Variants in ABHD17B observed in about 807,000 individuals in gnomAD.
The protein encoded by ABHD17B is alpha/beta hydrolase domain-containing protein 17B.
Under a neutral mutation model 26.2 loss-of-function variants are expected in ABHD17B, and 9 were observed. That is an observed-to-expected ratio of 0.34 (90% CI 0.21 to 0.60). The LOEUF (loss-of-function observed/expected upper bound fraction) is 0.60. ABHD17B is among the 20% of genes least tolerant of loss of function. The probability of loss-of-function intolerance (pLI) is 0.80; values close to 1 mark genes in which losing one functional copy is unlikely to be tolerated. For synonymous variants in ABHD17B, 127 were observed against 122.3 expected (o/e 1.04, Z -0.25); for missense variants, 224 against 352.1 (o/e 0.64, Z 2.91).
rs984564433 is a variant in ABHD17B, at chr9:71,878,756, C to CA, written c.-3-3674dup. Among the ~76,000 whole-genome samples the CA allele has an allele frequency of 6.9e-4, 104 of 151,406 alleles. 1 individual carries two copies. The highest frequency in any genetic ancestry group is 1.5e-3 in the African/African-American group (62 of 41,284). ...CAACATAGGAAAACATTGTCTCTAT[C>CA]AAAAAAAACAAAGAGAGAGAGAGAT... On this transcript the variant is annotated intron_variant, in intron 1 of 3. Transcript: ENST00000333421.
intron 2 of ABHD17B, among the ~76,000 whole-genome samples, chr9:71,874,283 C>T (rs1826197027): frequency 6.6e-6 from 1 of 151,902 alleles, no homozygotes; most frequent in African/African-American, 2.4e-5. Flanking sequence ...CTCCTGGCCT[C>T]AAGTGATTCC....
At position 71,865,934 on chromosome 9, in the gene ABHD17B, A is replaced by G. The variant is rs962350358; in HGVS notation, c.*853T>C. ...TGTTAGTGGTCTTTAAGATCAACTC[A>G]TGGACTTTCGGGATTTCATACAATG... On this transcript the variant is annotated 3_prime_UTR_variant, in exon 4 of 4. Transcript: ENST00000333421. The G allele has an allele frequency of 9.1e-6, 9 of 985,428 alleles. No homozygotes were observed. Among genetic ancestry groups the G allele is most frequent in the Non-Finnish European group, 1.1e-5 (9 of 829,912 alleles). 61.0% of individuals were successfully genotyped at this position (985,428 alleles called of 1,614,324 possible).
intron 1 of ABHD17B, among the ~76,000 whole-genome samples, chr9:71,902,296 C>T (rs72739871): frequency 6.7e-4 from 102 of 152,228 alleles, no homozygotes; most frequent in Non-Finnish European, 1.1e-3. Context: ...GGTTATGAAG[C>T]AAAATGTATT....
At chr9:71,909,042 G>T (rs1827367981) in intron 1 of ABHD17B, among the ~76,000 whole-genome samples, 1 of 152,118 alleles carries the variant, frequency 6.6e-6, no homozygotes, top group South Asian at 2.1e-4. Flanking sequence ...TGGTGATTTT[G>T]TTTGTCCCAG....
Position 71,866,585 on chromosome 9 carries a change from A to G in ABHD17B, c.*202T>C. ...TTCACAGAAAAAATATAAATTACAC[A>G]GCCTGACTGCACGGTACTGTTATTT... On this transcript the variant is annotated 3_prime_UTR_variant, in exon 4 of 4. Coordinates refer to ENST00000333421, the MANE Select transcript of ABHD17B (RefSeq NM_001025780.3). 1 of 1,386,112 alleles carries G rather than the reference A, an allele frequency of 7.2e-7. No homozygotes were observed. Among genetic ancestry groups the G allele is most frequent in the Middle Eastern group, 2.7e-4 (1 of 3,706 alleles). The allele number at this position is 1,386,112 out of a possible 1,614,324, so 85.9% of individuals were successfully genotyped here.
intron 1 of ABHD17B, among the ~76,000 whole-genome samples, chr9:71,907,831 T>C (rs549229861): frequency 9.1e-4 from 139 of 152,278 alleles, no homozygotes; most frequent in African/African-American, 3.0e-3. Context: ...TTCGTTTTAA[T>C]TGGTAGTTTT....
At chr9:71,899,350 AT>A (rs1372611186) in intron 1 of ABHD17B, among the ~76,000 whole-genome samples, 2 of 152,168 alleles carry the variant, frequency 1.3e-5, no homozygotes, top group African/African-American at 2.4e-5. Context: ...TTTGAGATGA[AT>A]CTCATAGGCT....
intron 1 of ABHD17B, among the ~76,000 whole-genome samples, chr9:71,898,349 A>G (rs1248369451): frequency 1.3e-5 from 2 of 151,788 alleles, no homozygotes; most frequent in Non-Finnish European, 2.9e-5. Context: ...AAAACATGGG[A>G]GGCTGGGCAT....
intron 1 of ABHD17B, 104 bp from the exon 2 acceptor site, chr9:71,875,187 A>T (rs1826230526): frequency 2.3e-6 from 2 of 858,962 alleles, no homozygotes; most frequent in Non-Finnish European, 3.5e-6. Flanking sequence ...GTGGTTAATG[A>T]CTATTACTAT....
chr9:71,892,258 C>T (rs752155743), intron 1 of ABHD17B, among the ~76,000 whole-genome samples: 3 of 151,916 alleles, frequency 2.0e-5, no homozygotes, highest in African/African-American at 4.8e-5. Context: ...CCTGGCCAGG[C>T]GCAGTGACTC....
Position 71,866,563 on chromosome 9 carries a change from A to C in ABHD17B, c.*224T>G, listed in dbSNP as rs1204902716. 1.5e-6 allele frequency: 2 copies of C among 1,340,172 alleles called. No individual in the cohort carries two copies. Among genetic ancestry groups the C allele is most frequent in the African/African-American group, 1.5e-5 (1 of 68,446 alleles). 83.0% of individuals were successfully genotyped at this position (1,340,172 alleles called of 1,614,324 possible). Reference sequence around the variant, plus strand: ...TCATCTTGATGTTAAAAAAAAATTCACAGAAAAAATATAAATTACACAGCC... The same window carrying C: ...TCATCTTGATGTTAAAAAAAAATTCCCAGAAAAAATATAAATTACACAGCC... On this transcript the variant is annotated 3_prime_UTR_variant, in exon 4 of 4. Coordinates refer to ENST00000333421, the MANE Select transcript of ABHD17B (RefSeq NM_001025780.3).
At chr9:71,894,766 A>C (rs1432026047) in intron 1 of ABHD17B, among the ~76,000 whole-genome samples, 1 of 152,158 alleles carries the variant, frequency 6.6e-6, no homozygotes, top group Non-Finnish European at 1.5e-5. Context: ...TTGAAGCTGC[A>C]GTAAGCTATG....
At chr9:71,897,448 C>T (rs1328907071) in intron 1 of ABHD17B, among the ~76,000 whole-genome samples, 2 of 152,108 alleles carry the variant, frequency 1.3e-5, no homozygotes, top group Non-Finnish European at 2.9e-5. Context: ...GCCCAGGAGT[C>T]GAGGCTACAG....
At chr9:71,868,226 A>G (rs754262709) in intron 3 of ABHD17B, among the ~76,000 whole-genome samples, 10 of 151,934 alleles carry the variant, frequency 6.6e-5, no homozygotes, top group Non-Finnish European at 1.3e-4. Flanking sequence ...CTCAGAAAAA[A>G]AAAGAAAGAA....
chr9:71,905,681 G>C (rs1368573575), intron 1 of ABHD17B, among the ~76,000 whole-genome samples: 2 of 152,114 alleles, frequency 1.3e-5, no homozygotes, highest in Non-Finnish European at 2.9e-5. Flanking sequence ...TGAATGAGGG[G>C]CACTACTAAA....
intron 1 of ABHD17B, among the ~76,000 whole-genome samples, chr9:71,907,300 A>C (rs1827314088): frequency 6.6e-6 from 1 of 152,204 alleles, no homozygotes; most frequent in South Asian, 2.1e-4. Context: ...TGAAGAAAGC[A>C]AGCTAAATAA....
chr9:71,898,432 G>C (rs1161962782), intron 1 of ABHD17B, among the ~76,000 whole-genome samples: 1 of 146,460 alleles, frequency 6.8e-6, no homozygotes, highest in Non-Finnish European at 1.5e-5. Context: ...GGGAGTTCGA[G>C]ACCAGCCTGA....
chr9:71,874,234 GA>G (rs1327673192), intron 2 of ABHD17B, among the ~76,000 whole-genome samples: 14 of 150,688 alleles, frequency 9.3e-5, no homozygotes, highest in African/African-American at 2.9e-4. Flanking sequence ...ACTCAGGCTG[GA>G]GTGCAGTGGC....
chr9:71,883,698 A>G (rs991999973), intron 1 of ABHD17B, among the ~76,000 whole-genome samples: 1 of 152,234 alleles, frequency 6.6e-6, no homozygotes, highest in African/African-American at 2.4e-5. Flanking sequence ...GCACTTTGGG[A>G]GGACAAGGCA....
Sources: allele counts gnomAD v4.1 joint callset (sites outside exome capture counted in the v4.1 genomes callset), GRCh38; gene constraint gnomAD v4.1.1; transcripts MANE v1.5; gene names NCBI Gene and HGNC (gene_info 2026-07-23, HGNC 2026-07-21).